The following SGSM3 variants were observed in gnomAD, a reference collection of about 807,000 sequenced individuals.
SGSM3 encodes the protein RUN and SH3 containing 3.
In SGSM3, 96 loss-of-function variants were observed where a neutral mutation model predicts 100.5. That is an observed-to-expected ratio of 0.96 (90% CI 0.81 to 1.13). The LOEUF (loss-of-function observed/expected upper bound fraction) is 1.13, where lower values mean the gene tolerates loss of function less well. SGSM3 is among the 50% of genes most tolerant of loss of function. The pLI, the probability that SGSM3 is intolerant of heterozygous loss-of-function variation, is 0.00. For synonymous variants in SGSM3, 483 were observed against 422.8 expected (o/e 1.14, Z -1.75); for missense variants, 1,001 against 1,015.8 (o/e 0.99, Z 0.20).
intron 3 of SGSM3, 127 bp from the exon 4 acceptor site, chr22:40,402,012 G>T (rs1216499431): frequency 1.4e-6 from 1 of 708,908 alleles, no homozygotes; most frequent in Non-Finnish European, 2.5e-6. Context: ...TTTTGGAAGA[G>T]TAGCCTTTGA....
Position 40,404,024 on chromosome 22 carries a change from G to A in SGSM3, c.158-223G>A, listed in dbSNP as rs138702812. The stretch of plus-strand genomic sequence containing the variant: ...GGATCCGGGTAGTACTATGGTAGGA[G>A]TGGCTTTGAGGAGAAGGTGAAGAGC... On this transcript the variant is annotated intron_variant, in intron 4 of 21. Transcript: ENST00000248929. The A allele has an allele frequency of 1.3e-4, 51 of 405,682 alleles. 1 individual carries two copies. In the Admixed American group the frequency reaches 2.2e-3, roughly 17 times the overall value. 25.1% of individuals were successfully genotyped at this position (405,682 alleles called of 1,614,324 possible).
rs200774462 is a variant in SGSM3, at chr22:40,409,710, G to A, written c.2201G>A (p.Arg734Gln). Residue 734 changes from arginine (R) to glutamine (Q), a missense_variant, in exon 22 of 22, where the codon CGG (arginine) becomes CAG (glutamine). Coordinates refer to ENST00000248929, the MANE Select transcript of SGSM3 (RefSeq NM_015705.6). ...CAGCAGCCCCTGAAGGAGGGCGTCC[G>A]GGACATGCTGGTGAAGCACCACCTC... Reference protein sequence around the residue: ...EAQQPLKEGVRDMLVKHHLFS... With the variant: ...EAQQPLKEGVQDMLVKHHLFS... The A allele has an allele frequency of 1.3e-4, 217 of 1,612,628 alleles. No individual in the cohort carries two copies. The East Asian group carries it at 1.8e-3, about 14-fold the overall frequency.
At chr22:40,371,999 C>A (rs1012889481) in intron 1 of SGSM3, among the ~76,000 whole-genome samples, 5 of 152,048 alleles carry the variant, frequency 3.3e-5, no homozygotes, top group Admixed American at 3.3e-4. Context: ...TGCGCCAGGC[C>A]CGATTAATTT....
chr22:40,383,418 G>C (rs894038965), intron 1 of SGSM3, among the ~76,000 whole-genome samples: 1 of 148,352 alleles, frequency 6.7e-6, no homozygotes, highest in African/African-American at 2.5e-5. Flanking sequence ...AGTGAGCCGA[G>C]ATCACGCCAC....
In SGSM3 at chr22:40,410,026, CAGGAAGA is replaced by C; in HGVS notation, c.*268_*274del. 2.3e-6 allele frequency: 3 copies of C among 1,320,010 alleles called. No individual in the cohort carries two copies. Among genetic ancestry groups the C allele is most frequent in the Non-Finnish European group, 2.9e-6 (3 of 1,039,604 alleles). 81.8% of individuals were successfully genotyped at this position (1,320,010 alleles called of 1,614,324 possible). On this transcript the variant is annotated 3_prime_UTR_variant, in exon 22 of 22. Coordinates refer to ENST00000248929, the MANE Select transcript of SGSM3 (RefSeq NM_015705.6). ...GAGGTGGGGGAGCCATGTCTGTGCT[CAGGAAGA>C]GGGAAGGGGATGGGGGTGGCTAGTA...
chr22:40,372,372 G>A (rs539067474), intron 1 of SGSM3, among the ~76,000 whole-genome samples: 8 of 150,928 alleles, frequency 5.3e-5, no homozygotes, highest in African/African-American at 1.7e-4. Flanking sequence ...TGATCTGCCC[G>A]CCTCGGCCTC....
intron 19 of SGSM3, 110 bp downstream of exon 19, chr22:40,409,128 A>G: frequency 6.4e-7 from 1 of 1,553,850 alleles, no homozygotes; most frequent in South Asian, 1.2e-5. Flanking sequence ...TCAGGGGCTC[A>G]GGTCCTTCCC....
Position 40,386,916 on chromosome 22 carries a change from A to G in SGSM3, c.-111-13780A>G, listed in dbSNP as rs139997007. ...AATTCTCTCCTAATTTATCTGTTTA[A>G]TTTTGAATTTTCACACACAAAAAAT... On this transcript the variant is annotated intron_variant, in intron 1 of 21. Transcript: ENST00000248929. 8.5e-5 allele frequency among the ~76,000 whole-genome samples: 13 copies of G among 152,160 alleles called. No individual in the cohort carries two copies. The Middle Eastern group carries it at 0.01, about 119-fold the overall frequency.
chr22:40,384,668 T>A (rs1219986138), intron 1 of SGSM3, among the ~76,000 whole-genome samples: 1 of 152,058 alleles, frequency 6.6e-6, no homozygotes, highest in African/African-American at 2.4e-5. Context: ...TAGTCCCAGC[T>A]ACTCAGGAGG....
In SGSM3 at chr22:40,410,268, G is replaced by A. The variant is rs2052437522; in HGVS notation, c.*509G>A. The A allele has an allele frequency of 2.8e-6, 2 of 706,906 alleles. No homozygotes were observed. The highest frequency in any genetic ancestry group is 3.6e-6 in the Non-Finnish European group (2 of 554,596). The allele number at this position is 706,906 out of a possible 1,614,324, so 43.8% of individuals were successfully genotyped here. On this transcript the variant is annotated 3_prime_UTR_variant, in exon 22 of 22. Transcript: ENST00000248929. ...GTGCTACCCACCCCTTCCATGGACT[G>A]AATAAGATGGACTAACAGGCCTGTG...
At chr22:40,390,055 T>C (rs536798296) in intron 1 of SGSM3, among the ~76,000 whole-genome samples, 10 of 152,118 alleles carry the variant, frequency 6.6e-5, no homozygotes, top group African/African-American at 2.4e-4. Context: ...ACAGAACTCA[T>C]TGGCCATTTC....
chr22:40,400,747 T>G lies in SGSM3; in HGVS notation c.-60T>G. On this transcript the variant is annotated 5_prime_UTR_variant, in exon 2 of 22. Coordinates refer to ENST00000248929, the MANE Select transcript of SGSM3 (RefSeq NM_015705.6). ...CCTGAGGAGCCTTCCAGCTCTAAGA[T>G]AGCAGGATAGGAGACTTCTAAGATT... 1 of 1,528,108 alleles carries G rather than the reference T, an allele frequency of 6.5e-7. No homozygotes were observed. The highest frequency in any genetic ancestry group is 8.9e-7 in the Non-Finnish European group (1 of 1,125,628). The allele number at this position is 1,528,108 out of a possible 1,614,324, so 94.7% of individuals were successfully genotyped here.
chr22:40,409,249 G>A lies in SGSM3; in HGVS notation c.1989-1G>A. The A allele has an allele frequency of 6.2e-7, 1 of 1,602,020 alleles. No individual in the cohort carries two copies. The highest frequency in any genetic ancestry group is 8.5e-7 in the Non-Finnish European group (1 of 1,176,342). On this transcript the variant is annotated splice_acceptor_variant, in intron 19 of 21. Coordinates refer to ENST00000248929, the MANE Select transcript of SGSM3 (RefSeq NM_015705.6). LOFTEE classifies it high-confidence loss of function. ...CTCCCCACTCCTGGCCATGTCCCCA[G>A]TGAGCAGGTGCTGCACCTGTGGCTG...
At position 40,410,047 on chromosome 22, in the gene SGSM3, G is replaced by A. The variant is rs1450605605; in HGVS notation, c.*288G>A. Reference sequence around the variant, plus strand: ...TGCTCAGGAAGAGGGAAGGGGATGGGGGTGGCTAGTAGGCTCCTGGCCTCT... The same window carrying A: ...TGCTCAGGAAGAGGGAAGGGGATGGAGGTGGCTAGTAGGCTCCTGGCCTCT... On this transcript the variant is annotated 3_prime_UTR_variant, in exon 22 of 22. Transcript: ENST00000248929. 2.3e-6 allele frequency: 3 copies of A among 1,308,196 alleles called. No individual in the cohort carries two copies. Among genetic ancestry groups the A allele is most frequent in the South Asian group, 4.5e-5 (2 of 44,070 alleles). 81.0% of individuals were successfully genotyped at this position (1,308,196 alleles called of 1,614,324 possible).
intron 1 of SGSM3, among the ~76,000 whole-genome samples, chr22:40,375,062 TGAG>T (rs746786295): frequency 6.6e-6 from 1 of 152,228 alleles, no homozygotes; most frequent in East Asian, 1.9e-4. Context: ...CATTTATACA[TGAG>T]GAGAGATACA....
chr22:40,398,934 C>T (rs1487982425), intron 1 of SGSM3, among the ~76,000 whole-genome samples: 1 of 139,570 alleles, frequency 7.2e-6, no homozygotes, highest in African/African-American at 2.6e-5. Context: ...CAAGTGGGCA[C>T]AGGCCCACTC....
intron 1 of SGSM3, among the ~76,000 whole-genome samples, chr22:40,386,322 TAATATA>T (rs1308216625): frequency 6.6e-6 from 1 of 152,138 alleles, no homozygotes; most frequent in South Asian, 2.1e-4. Context: ...AAGTGTGAAA[TAATATA>T]AAGATATGGA....
intron 6 of SGSM3, 92 bp from the exon 7 acceptor site, chr22:40,405,049 C>G: frequency 2.1e-6 from 3 of 1,432,186 alleles, no homozygotes; most frequent in Non-Finnish European, 2.8e-6. Context: ...CAAGGAATCC[C>G]CATTTCTGGG....
chr22:40,407,342 TC>T lies in SGSM3; in HGVS notation c.1368+17del, dbSNP rs1239887069. Reference sequence around the variant, plus strand: ...AACTGCAGCGTGGTGAGTCGCCAGCTCCCTGGGCTGCTACCAAACACGGCCC... The same window carrying T: ...AACTGCAGCGTGGTGAGTCGCCAGCTCCTGGGCTGCTACCAAACACGGCCC... On this transcript the variant is annotated intron_variant, in intron 12 of 21. Coordinates refer to ENST00000248929, the MANE Select transcript of SGSM3 (RefSeq NM_015705.6). This position sits in a 1 kb window ranked among gnomAD's most constrained non-coding sequence, Gnocchi z 4.7. 1 of 1,613,194 alleles carries T rather than the reference TC, an allele frequency of 6.2e-7. No individual in the cohort carries two copies. Among genetic ancestry groups the T allele is most frequent in the African/African-American group, 1.3e-5 (1 of 75,034 alleles).
Sources: allele counts gnomAD v4.1 joint callset (sites outside exome capture counted in the v4.1 genomes callset), GRCh38; gene constraint gnomAD v4.1.1; non-coding constraint Gnocchi (gnomAD v3.1); transcripts MANE v1.5; gene names NCBI Gene and HGNC (gene_info 2026-07-23, HGNC 2026-07-21).